CROCC: variants seen among roughly 807,000 people sequenced by gnomAD.
CROCC encodes the protein ciliary rootlet coiled-coil, rootletin, also known as rootletin.
CROCC carries 180 observed loss-of-function variants against 245.2 expected under a neutral mutation model. The observed-to-expected ratio is 0.73, with a 90% CI of 0.65 to 0.83. The LOEUF (loss-of-function observed/expected upper bound fraction) is 0.83, where lower values mean the gene tolerates loss of function less well. Among genes scored for constraint, CROCC ranks in the 40% least tolerant of loss-of-function variants. The pLI is 0.00. For missense variants in CROCC, 2,688 were observed against 2,779.4 expected (o/e 0.97, Z 0.74); for synonymous variants, 1,205 against 1,241.6 (o/e 0.97, Z 0.62).
chr1:16,930,655 G>C lies in CROCC; in HGVS notation c.849+61G>C, dbSNP rs1273417195. 7 of 1,542,180 alleles carry C rather than the reference G, an allele frequency of 4.5e-6. No individual in the cohort carries two copies. In the African/African-American group the frequency reaches 9.5e-5, roughly 21 times the overall value. On this transcript the variant is annotated intron_variant, in intron 7 of 36. Transcript: ENST00000375541. ...AAGAGGAAGGGGCACTGCAGAGGAG[G>C]GAGGACTCAGAAGCCTGGAGAGGGA...
chr1:16,931,420 G>A (rs1190366131), intron 8 of CROCC, 23 bp downstream of exon 8: 14 of 1,593,944 alleles, frequency 8.8e-6, no homozygotes, highest in Non-Finnish European at 1.1e-5. Context: ...CGGGGACGGG[G>A]CAGCAGCTGA....
chr1:16,944,314 C>T (rs1399993960), intron 14 of CROCC, 32 bp downstream of exon 14: 6 of 1,495,512 alleles, frequency 4.0e-6, no homozygotes, highest in African/African-American at 1.4e-5. Context: ...TGCCAGGACC[C>T]TTCAGATGTG....
chr1:16,930,159 G>C lies in CROCC; in HGVS notation c.573G>C (p.Glu191Asp). 1 of 1,594,486 alleles carries C rather than the reference G, an allele frequency of 6.3e-7. No homozygotes were observed. The highest frequency in any genetic ancestry group is 8.5e-7 in the Non-Finnish European group (1 of 1,171,124). Residue 191 changes from glutamate to aspartate, a missense_variant, in exon 5 of 37, where the codon GAG becomes GAC. This residue lies in a region of CROCC where 972 missense variants were observed against 895.3 expected (regional missense o/e 1.09). Coordinates refer to ENST00000375541, the MANE Select transcript of CROCC (RefSeq NM_014675.5). ...ACAAGAAGAGGTGCTCGGAGCTGGAGCAGCAGCTGCTGGAGAGATCCGGAG... is the reference window on the plus strand; with the variant it reads ...ACAAGAAGAGGTGCTCGGAGCTGGACCAGCAGCTGCTGGAGAGATCCGGAG... Reference protein sequence around the residue: ...LQYKKRCSELEQQLLERSGEL... With the variant: ...LQYKKRCSELDQQLLERSGEL...
intron 30 of CROCC, 124 bp from the exon 31 acceptor site, chr1:16,968,068 TCCCAGGCCGGC>T (rs1329862064): frequency 3.7e-6 from 3 of 811,740 alleles, no homozygotes; most frequent in African/African-American, 3.4e-5. Flanking sequence ...CCCCAGAGGG[TCCCAGGCCGGC>T]CCCAGGTCAC....
At position 16,952,212 on chromosome 1, in the gene CROCC, G is replaced by A. The variant is rs151333585; in HGVS notation, c.3006+1090G>A. On this transcript the variant is annotated intron_variant, in intron 20 of 36. Coordinates refer to ENST00000375541, the MANE Select transcript of CROCC (RefSeq NM_014675.5). ...TAAAGAAGGGGCGGTTTGGCCGGTC[G>A]TGCTGACTCATGCCTGTAATCCAGC... is the stretch of plus-strand genomic sequence containing the variant. Among the ~76,000 whole-genome samples the A allele has an allele frequency of 5.5e-3, 812 of 148,164 alleles. 2 individuals are homozygous for A. Among genetic ancestry groups the A allele is most frequent in the African/African-American group, 0.019 (771 of 40,486 alleles).
Position 16,954,938 on chromosome 1 carries a change from C to T in CROCC, c.3465+61C>T. 1 of 1,449,486 alleles carries T rather than the reference C, an allele frequency of 6.9e-7. No individual in the cohort carries two copies. Among genetic ancestry groups the T allele is most frequent in the Non-Finnish European group, 9.2e-7 (1 of 1,092,624 alleles). The allele number at this position is 1,449,486 out of a possible 1,614,324, so 89.8% of individuals were successfully genotyped here. A position where few individuals can be genotyped will look rare whatever the true frequency, so the allele number is the denominator to read the frequency against. Reference sequence around the variant, plus strand: ...CTAAATGGCACTGTGTGCCTGGGGGCCTAGTTCCCCAGGGCCCCAGAAGAG... The same window carrying T: ...CTAAATGGCACTGTGTGCCTGGGGGTCTAGTTCCCCAGGGCCCCAGAAGAG... On this transcript the variant is annotated intron_variant, in intron 23 of 36. Coordinates refer to ENST00000375541, the MANE Select transcript of CROCC (RefSeq NM_014675.5). This position sits in a 1 kb window ranked among gnomAD's most constrained non-coding sequence, Gnocchi z 4.4.
At chr1:16,914,718 C>T (rs551615004) in intron 1 of CROCC, among the ~76,000 whole-genome samples, 14 of 150,016 alleles carry the variant, frequency 9.3e-5, no homozygotes, top group Admixed American at 7.3e-4. Context: ...CCTCTGTGCC[C>T]GGCAGCGTCT....
intron 1 of CROCC, 91 bp from the exon 2 acceptor site, chr1:16,922,572 A>C (rs547446253): frequency 6.7e-7 from 1 of 1,494,336 alleles, no homozygotes; most frequent in African/African-American, 1.4e-5. Context: ...GGGGACCTGT[A>C]TCTTGGGCAG....
At chr1:16,935,478 T>A (rs1420727246) in intron 8 of CROCC, among the ~76,000 whole-genome samples, 1 of 152,382 alleles carries the variant, frequency 6.6e-6, no homozygotes, top group Non-Finnish European at 1.5e-5. Flanking sequence ...TGGAGTGCAG[T>A]GGCCCAATCT....
At chr1:16,918,744 G>GT (rs377647617), upstream of CROCC, among the ~76,000 whole-genome samples, 19 of 144,042 alleles carry the variant, frequency 1.3e-4, no homozygotes, top group South Asian at 6.7e-4. Context: ...TTTTGTTTTT[G>GT]TTTTTTTTTT....
At chr1:16,935,777 T>C (rs1375683710) in intron 8 of CROCC, among the ~76,000 whole-genome samples, 9 of 152,280 alleles carry the variant, frequency 5.9e-5, no homozygotes, top group African/African-American at 1.9e-4. Context: ...TGTACCATCA[T>C]GTACTTAGTA....
In CROCC at chr1:16,966,042, C is replaced by A; in HGVS notation, c.4619C>A (p.Ala1540Asp). ...ACCAGTGCCCTGAATCGCCAGCTGG[C>A]CGAGATGGAGGCTGAGAGGGACAGC... ...TQTSALNRQL[A>D]EMEAERDSAT... The change falls in exon 29 of 37, where the codon GCC becomes GAC. Residue 1540 changes from alanine (A) to aspartate (D), a missense_variant. Physicochemically the swap from Ala to Asp is moderately radical, Grantham distance 126. Transcript: ENST00000375541. The surrounding 1 kb of genome is among the most constrained non-coding windows in gnomAD (Gnocchi z 4.8). 12 of 1,613,846 alleles carry A rather than the reference C, an allele frequency of 7.4e-6. No individual in the cohort carries two copies. The highest frequency in any genetic ancestry group is 8.5e-6 in the Non-Finnish European group (10 of 1,179,808).
Position 16,921,938 on chromosome 1 carries a change from C to G in CROCC, c.-81C>G, listed in dbSNP as rs2075415184. On this transcript the variant is annotated 5_prime_UTR_variant, in exon 1 of 37. It adds an upstream start codon to the 5' untranslated region. Transcript: ENST00000375541. ...ATCTGCCTGGTGCTCAGCACAGCAT[C>G]CTGGCTGTGGCGCGTGCTGACTGAG... is the stretch of plus-strand genomic sequence containing the variant. 1 of 1,384,346 alleles carries G rather than the reference C, an allele frequency of 7.2e-7. No homozygotes were observed. The highest frequency in any genetic ancestry group is 2.5e-5 in the East Asian group (1 of 40,290). The allele number at this position is 1,384,346 out of a possible 1,614,324, so 85.8% of individuals were successfully genotyped here. A position where few individuals can be genotyped will look rare whatever the true frequency, so the allele number is the denominator to read the frequency against.
chr1:16,965,693 A>G, intron 27 of CROCC, 30 bp from the exon 28 acceptor site: 1 of 1,526,346 alleles, frequency 6.6e-7, no homozygotes, highest in Non-Finnish European at 9.1e-7. Flanking sequence ...TGGCTTCTGC[A>G]TCACTGAGCA....
chr1:16,967,665 C>T (rs1295616746), intron 30 of CROCC, among the ~76,000 whole-genome samples: 1 of 152,100 alleles, frequency 6.6e-6, no homozygotes, highest in Non-Finnish European at 1.5e-5. Flanking sequence ...GATGGGAGGA[C>T]CCCTAGTCTG....
At position 16,948,452 on chromosome 1, in the gene CROCC, C is replaced by G. The variant is rs771676738; in HGVS notation, c.2636C>G (p.Ala879Gly). 3.2e-6 allele frequency: 5 copies of G among 1,561,514 alleles called. No homozygotes were observed. In the South Asian group the frequency reaches 4.7e-5, roughly 15 times the overall value. Residue 879 changes from alanine to glycine, a missense_variant, in exon 18 of 37, where the codon GCT (alanine) becomes GGT (glycine). Physicochemically the swap from Ala to Gly is moderately conservative, Grantham distance 60. Around this residue, in one of 9 missense-constraint regions of CROCC, gnomAD observed 295 missense variants for 241.7 expected, o/e 1.22. Coordinates refer to ENST00000375541, the MANE Select transcript of CROCC (RefSeq NM_014675.5). ...REKEALAKEHAGLAVQLVAAE... is the reference protein window; with the variant it reads ...REKEALAKEHGGLAVQLVAAE... ...AAGGAGGCGCTAGCCAAGGAGCACG[C>G]TGGCCTGGCTGTGCAGCTGGTGGCT...
At chr1:16,942,575 A>G (rs149167076) in intron 13 of CROCC, among the ~76,000 whole-genome samples, 9 of 152,202 alleles carry the variant, frequency 5.9e-5, no homozygotes, top group Non-Finnish European at 1.3e-4. Flanking sequence ...TTTTGTATGT[A>G]CTCTGTGATT....
chr1:16,936,874 GTGGGTACC>G lies in CROCC; in HGVS notation c.1193+5_1193+12del. ...TGGACAAGGCTGACCTCAGTGCCAGGTGGGTACCTGGTGGATGCCGCACGAGGCAGGCG... is the reference window on the plus strand; with the variant it reads ...TGGACAAGGCTGACCTCAGTGCCAGGTGGTGGATGCCGCACGAGGCAGGCG... On this transcript the variant is annotated splice_donor_variant and splice_donor_5th_base_variant and intron_variant, in intron 9 of 36. Coordinates refer to ENST00000375541, the MANE Select transcript of CROCC (RefSeq NM_014675.5). LOFTEE classifies it high-confidence loss of function. The G allele has an allele frequency of 6.2e-7, 1 of 1,608,292 alleles. No individual in the cohort carries two copies. Among genetic ancestry groups the G allele is most frequent in the Non-Finnish European group, 8.5e-7 (1 of 1,176,946 alleles).
chr1:16,942,354 G>C (rs978969471), intron 13 of CROCC, among the ~76,000 whole-genome samples: 2 of 152,260 alleles, frequency 1.3e-5, no homozygotes, highest in African/African-American at 4.8e-5. Context: ...GGTTGTTTTT[G>C]ATATTTTGTT....
Sources: gnomAD v4.1 joint callset for allele counts (sites outside exome capture counted in the v4.1 genomes callset) on GRCh38, gnomAD v4.1.1 for gene constraint, gnomAD v4.1.1 regional missense constraint, Gnocchi (gnomAD v3.1) non-coding constraint, MANE v1.5 for transcripts, NCBI Gene and HGNC (gene_info 2026-07-23, HGNC 2026-07-21) for gene names.